Variants in SCN2A observed in about 807,000 individuals in gnomAD.
SCN2A encodes sodium voltage-gated channel alpha subunit 2, also known as sodium channel protein type 2 subunit alpha.
SCN2A carries 20 observed loss-of-function variants against 188.7 expected under a neutral mutation model. The observed-to-expected ratio is 0.11, with a 90% CI of 0.07 to 0.15. SCN2A has a LOEUF of 0.15. Ranked by LOEUF, SCN2A falls within the 10% of genes least tolerant of loss-of-function variation. The pLI, the probability that SCN2A is intolerant of heterozygous loss-of-function variation, is 1.00. For synonymous variants in SCN2A, 804 were observed against 833.1 expected, an observed-to-expected ratio of 0.97 and a Z score of 0.60; for missense variants, 1,278 against 2,445.0, an observed-to-expected ratio of 0.52 and a Z score of 10.07.
At chr2:165,288,187 A>G (rs1574505137) in intron 1 of SCN2A, among the ~76,000 whole-genome samples, 2 of 152,174 alleles carry the variant, frequency 1.3e-5, no homozygotes, top group South Asian at 4.1e-4. Context: ...AAAAGTAAAC[A>G]TTTTATAACA....
At chr2:165,305,839 G>A (rs1697095240) in intron 3 of SCN2A, among the ~76,000 whole-genome samples, 1 of 152,188 alleles carries the variant, frequency 6.6e-6, no homozygotes, top group African/African-American at 2.4e-5. Context: ...AGGGAGATAA[G>A]GCTGTAGTAG....
chr2:165,270,413 A>G (rs1172894562), intron 1 of SCN2A: 6 of 151,950 alleles, frequency 3.9e-5, no homozygotes, highest in Admixed American at 2.6e-4. Flanking sequence ...AATATGTATC[A>G]TATCAGTTTT....
At chr2:165,312,713 GT>G (rs1407739510) in intron 8 of SCN2A, among the ~76,000 whole-genome samples, 5 of 152,018 alleles carry the variant, frequency 3.3e-5, no homozygotes, top group Non-Finnish European at 5.9e-5. Context: ...TCATGCAAAT[GT>G]TTGCTATTAA....
chr2:165,391,505 C>G lies in SCN2A; in HGVS notation c.*1681C>G, dbSNP rs978398551. 6.6e-6 allele frequency: 1 copy of G among 152,504 alleles called. No homozygotes were observed. Among genetic ancestry groups the G allele is most frequent in the African/African-American group, 2.4e-5 (1 of 41,446 alleles). The allele number at this position is 152,504 out of a possible 1,614,324, so 9.4% of individuals were successfully genotyped here. A position where few individuals can be genotyped will look rare whatever the true frequency, so the allele number is the denominator to read the frequency against. ...CTAGCACTTTTAAATTGAAGCACTT[C>G]ACAAAATAAGAAGCAAGGACTAGGA... On this transcript the variant is annotated 3_prime_UTR_variant, in exon 27 of 27. Coordinates refer to ENST00000375437, the MANE Select transcript of SCN2A (RefSeq NM_001040142.2).
intron 20 of SCN2A, chr2:165,371,584 C>A (rs969514313): frequency 2.6e-5 from 4 of 152,034 alleles, no homozygotes; most frequent in Non-Finnish European, 5.9e-5. Flanking sequence ...AACACGGATT[C>A]GTTAAAACGT....
intron 1 of SCN2A, among the ~76,000 whole-genome samples, chr2:165,280,246 A>G (rs1420507649): frequency 6.6e-6 from 1 of 152,198 alleles, no homozygotes; most frequent in Non-Finnish European, 1.5e-5. Flanking sequence ...AGCCTGGACC[A>G]TAGAAGGTAT....
intron 1 of SCN2A, chr2:165,268,122 G>A (rs1574471005): frequency 6.6e-6 from 1 of 151,932 alleles, no homozygotes; most frequent in East Asian, 1.9e-4. Flanking sequence ...AGAAGAATTG[G>A]TACCAACCCT....
At chr2:165,302,717 C>T (rs1221615692) in intron 3 of SCN2A, among the ~76,000 whole-genome samples, 3 of 152,104 alleles carry the variant, frequency 2.0e-5, no homozygotes, top group Non-Finnish European at 4.4e-5. Context: ...AGGGATGTAT[C>T]TGACCATGGT....
intron 1 of SCN2A, among the ~76,000 whole-genome samples, chr2:165,241,335 G>A (rs975153477): frequency 6.6e-6 from 1 of 152,096 alleles, no homozygotes; most frequent in Non-Finnish European, 1.5e-5. Context: ...TCATTATTAG[G>A]TGGTGTATAC....
chr2:165,277,052 T>C (rs1345895988), intron 1 of SCN2A, among the ~76,000 whole-genome samples: 2 of 151,956 alleles, frequency 1.3e-5, no homozygotes, highest in African/African-American at 4.8e-5. Flanking sequence ...AGAGCAAGAC[T>C]CCGTCTCAAA....
At chr2:165,369,097 TG>T (rs1464377314) in intron 19 of SCN2A, among the ~76,000 whole-genome samples, 1 of 152,088 alleles carries the variant, frequency 6.6e-6, no homozygotes, top group East Asian at 1.9e-4. Context: ...GGCTAATTTT[TG>T]TACTTTTAGT....
rs961948634 is a variant in SCN2A at position 165,315,854 on chromosome 2, G to A, written c.1671+96G>A. ...GAGAAAACCGCCTTCCACCTGGATG[G>A]CACAATGCTTTCAGAGTAGTGATGA... On this transcript the variant is annotated intron_variant, in intron 11 of 26. Coordinates refer to ENST00000375437, the MANE Select transcript of SCN2A (RefSeq NM_001040142.2). 36 of 1,349,970 alleles carry A rather than the reference G, an allele frequency of 2.7e-5. No individual in the cohort carries two copies. In the East Asian group the frequency reaches 8.3e-4, roughly 31 times the overall value. The allele number at this position is 1,349,970 out of a possible 1,614,324, so 83.6% of individuals were successfully genotyped here. A position where few individuals can be genotyped will look rare whatever the true frequency, so the allele number is the denominator to read the frequency against.
chr2:165,311,457 T>TA (rs1342864872), intron 7 of SCN2A, among the ~76,000 whole-genome samples: 3 of 152,100 alleles, frequency 2.0e-5, no homozygotes, highest in African/African-American at 4.8e-5. Context: ...GAAACAAGTT[T>TA]ATTTTCTTCA....
intron 17 of SCN2A, among the ~76,000 whole-genome samples, chr2:165,357,465 A>C (rs891400462): frequency 2.0e-5 from 3 of 152,078 alleles, no homozygotes; most frequent in Admixed American, 6.6e-5. Context: ...GACTGAGTGG[A>C]CTCAGAGGTT....
rs536599903 is a variant in SCN2A at position 165,346,869 on chromosome 2, A to G, written c.2919+1958A>G. Reference sequence around the variant, plus strand: ...CTCATCATCACTGGTCATTAGAGAAATGCAAATCAAAACCACAATGAGATA... The same window carrying G: ...CTCATCATCACTGGTCATTAGAGAAGTGCAAATCAAAACCACAATGAGATA... On this transcript the variant is annotated intron_variant, in intron 16 of 26. Coordinates refer to ENST00000375437, the MANE Select transcript of SCN2A (RefSeq NM_001040142.2). Among the ~76,000 whole-genome samples the G allele has an allele frequency of 1.8e-4, 27 of 152,384 alleles. No homozygotes were observed. In the South Asian group the frequency reaches 3.1e-3, roughly 18 times the overall value.
At chr2:165,255,250 A>AT (rs939074108) in intron 1 of SCN2A, among the ~76,000 whole-genome samples, 5 of 150,354 alleles carry the variant, frequency 3.3e-5, no homozygotes, top group African/African-American at 9.8e-5. Flanking sequence ...TTCTTCTTCT[A>AT]TTTTTTCTAG....
At chr2:165,334,238 A>T (rs62176242) in intron 14 of SCN2A, among the ~76,000 whole-genome samples, 32,721 of 151,552 alleles carry the variant, frequency 0.22, 4,091 homozygotes, top group East Asian at 0.36. Context: ...TCCAACACAT[A>T]GAAGAGAAGG....
At chr2:165,272,068 A>G (rs1695127869) in intron 1 of SCN2A, 2 of 152,050 alleles carry the variant, frequency 1.3e-5, no homozygotes, top group Admixed American at 6.6e-5. Flanking sequence ...CACTACTCTT[A>G]AGATTGTCAG....
chr2:165,240,744 A>G (rs1294956688), intron 1 of SCN2A, among the ~76,000 whole-genome samples: 4 of 141,540 alleles, frequency 2.8e-5, no homozygotes, highest in Non-Finnish European at 4.6e-5. Flanking sequence ...TTTTTATCTC[A>G]GTCATTGTTT....
Sources: gnomAD v4.1 joint callset for allele counts (sites outside exome capture counted in the v4.1 genomes callset) on GRCh38, gnomAD v4.1.1 for gene constraint, MANE v1.5 for transcripts, NCBI Gene and HGNC (gene_info 2026-07-23, HGNC 2026-07-21) for gene names.